The following RAPGEF4 variants were observed in gnomAD, a reference collection of about 807,000 sequenced individuals.
The protein encoded by RAPGEF4 is Rap guanine nucleotide exchange factor 4, also known as RAP guanine-nucleotide-exchange factor (GEF) 4.
RAPGEF4 carries 66 observed loss-of-function variants against 147.9 expected under a neutral mutation model. The ratio of observed to expected loss-of-function variants is 0.45; its 90% CI spans 0.37 to 0.55. The LOEUF is 0.55. Among genes scored for constraint, RAPGEF4 ranks in the 20% least tolerant of loss-of-function variants. The pLI is 0.00. For synonymous variants in RAPGEF4, 419 were observed against 442.7 expected (o/e 0.95, Z 0.67); for missense variants, 1,071 against 1,257.3 (o/e 0.85, Z 2.24).
chr2:172,929,993 T>C (rs893268741), intron 6 of RAPGEF4, among the ~76,000 whole-genome samples: 1 of 152,172 alleles, frequency 6.6e-6, no homozygotes, highest in Non-Finnish European at 1.5e-5. Flanking sequence ...AATGAGATAA[T>C]GTATGCCAAG....
intron 4 of RAPGEF4, among the ~76,000 whole-genome samples, chr2:172,848,212 C>T (rs997687292): frequency 5.3e-5 from 8 of 152,152 alleles, no homozygotes; most frequent in African/African-American, 1.7e-4. Context: ...CAGGGCACTT[C>T]TCCCTGAGCC....
At chr2:172,853,853 T>C (rs1400107658) in intron 4 of RAPGEF4, among the ~76,000 whole-genome samples, 1 of 146,722 alleles carries the variant, frequency 6.8e-6, no homozygotes, top group East Asian at 2.0e-4. Flanking sequence ...ATCTTGTTGG[T>C]ATTGATTTTT....
intron 4 of RAPGEF4, among the ~76,000 whole-genome samples, chr2:172,849,648 T>C (rs371025775): frequency 6.6e-6 from 1 of 152,352 alleles, no homozygotes; most frequent in African/African-American, 2.4e-5. Context: ...ACATTATTAA[T>C]AGGACATGCC....
chr2:172,933,096 G>T (rs1686158593), intron 6 of RAPGEF4, among the ~76,000 whole-genome samples: 1 of 152,008 alleles, frequency 6.6e-6, no homozygotes, highest in East Asian at 1.9e-4. Flanking sequence ...TCTTCTTCTT[G>T]GTTTTTATGT....
chr2:172,744,808 C>A (rs1218287683), intron 1 of RAPGEF4, among the ~76,000 whole-genome samples: 5 of 150,410 alleles, frequency 3.3e-5, no homozygotes, highest in Non-Finnish European at 7.4e-5. Context: ...AGTTGTCTTT[C>A]ATGTAGTTGT....
chr2:173,021,949 T>C (rs78869027), intron 23 of RAPGEF4, among the ~76,000 whole-genome samples: 5,230 of 152,316 alleles, frequency 0.034, 112 homozygotes, highest in Middle Eastern at 0.075. Context: ...ACCAGCCTTA[T>C]AAGATCTGAG....
At chr2:172,744,353 A>C in intron 1 of RAPGEF4, 1 of 454,664 alleles carries the variant, frequency 2.2e-6, no homozygotes, top group Non-Finnish European at 4.4e-6. Context: ...CCAAGTTATT[A>C]ATCTTTTTGA....
chr2:173,032,296 C>CA (rs1289564893), intron 26 of RAPGEF4, among the ~76,000 whole-genome samples: 2 of 152,182 alleles, frequency 1.3e-5, no homozygotes, highest in South Asian at 2.1e-4. Flanking sequence ...GCTGTGACAA[C>CA]AAAAAAATGT....
intron 4 of RAPGEF4, among the ~76,000 whole-genome samples, chr2:172,887,033 C>G (rs1011472814): frequency 6.6e-6 from 1 of 151,760 alleles, no homozygotes; most frequent in Non-Finnish European, 1.5e-5. Flanking sequence ...ACTAAAAATA[C>G]AAAATTAGCT....
At chr2:172,877,623 C>T (rs1351240902) in intron 4 of RAPGEF4, among the ~76,000 whole-genome samples, 1 of 152,112 alleles carries the variant, frequency 6.6e-6, no homozygotes, top group South Asian at 2.1e-4. Context: ...GCTTTTCTCA[C>T]TTTGCTGGGC....
At chr2:172,908,190 A>T (rs933346341) in intron 4 of RAPGEF4, among the ~76,000 whole-genome samples, 1 of 152,380 alleles carries the variant, frequency 6.6e-6, no homozygotes, top group Admixed American at 6.5e-5. Flanking sequence ...TTGAAGTCTC[A>T]TGCTTTAATC....
chr2:172,978,420 G>A (rs962594198), intron 10 of RAPGEF4, among the ~76,000 whole-genome samples: 1 of 152,206 alleles, frequency 6.6e-6, no homozygotes, highest in Non-Finnish European at 1.5e-5. Context: ...TCACCTGGAA[G>A]AGCCTGGGGT....
intron 4 of RAPGEF4, among the ~76,000 whole-genome samples, chr2:172,877,079 G>A (rs909875097): frequency 1.3e-5 from 2 of 152,138 alleles, no homozygotes; most frequent in Admixed American, 1.3e-4. Context: ...CACTTTTGCA[G>A]CACTATTCAC....
intron 4 of RAPGEF4, among the ~76,000 whole-genome samples, chr2:172,914,355 G>C (rs1683807674): frequency 1.0e-5 from 1 of 95,282 alleles, no homozygotes. Context: ...TTTTTTTGGA[G>C]ACAGAGTTTC....
intron 4 of RAPGEF4, among the ~76,000 whole-genome samples, chr2:172,882,024 G>A (rs188330414): frequency 1.3e-5 from 2 of 152,268 alleles, no homozygotes; most frequent in East Asian, 1.9e-4. Context: ...ATACAGATGG[G>A]AAAGCATTAA....
At position 172,983,498 on chromosome 2, in the gene RAPGEF4, CT is replaced by C; in HGVS notation, c.1008del (p.Gly337AlafsTer8). The stretch of plus-strand genomic sequence containing the variant: ...TTTTTTTTTTTTTATCTTTGTAGAC[CT>C]GGCCAGAGGACTGTGGATGACCTAG... ...AHMRMILRKP[P>X]GQRTVDDLEI... On this transcript the variant is annotated frameshift_variant, in exon 11 of 31. Transcript: ENST00000397081. LOFTEE classifies it high-confidence loss of function. 1 of 1,604,574 alleles carries C rather than the reference CT, an allele frequency of 6.2e-7. No individual in the cohort carries two copies.
rs753183449 is a variant in RAPGEF4 at position 173,030,271 on chromosome 2, A to G, written c.2649+17A>G. 1 of 1,588,528 alleles carries G rather than the reference A, an allele frequency of 6.3e-7. No individual in the cohort carries two copies. Among genetic ancestry groups the G allele is most frequent in the African/African-American group, 1.3e-5 (1 of 74,400 alleles). On this transcript the variant is annotated intron_variant, in intron 26 of 30. Coordinates refer to ENST00000397081, the MANE Select transcript of RAPGEF4 (RefSeq NM_007023.4). ...ACGTGGGAGGTAAGCTTCAGCTAGG[A>G]TCCAGCTGTGACTTTTGCCTTAGGA... is the stretch of plus-strand genomic sequence containing the variant.
At chr2:172,738,234 C>T (rs1314157039) in intron 1 of RAPGEF4, among the ~76,000 whole-genome samples, 5 of 152,144 alleles carry the variant, frequency 3.3e-5, no homozygotes, top group African/African-American at 1.2e-4. Context: ...TCCTCTTTTC[C>T]AGGCACTGTG....
chr2:173,026,519 TA>T, intron 23 of RAPGEF4, 52 bp from the exon 24 acceptor site: 1 of 1,575,150 alleles, frequency 6.3e-7, no homozygotes, highest in East Asian at 2.3e-5. Flanking sequence ...CTTTTAGTGC[TA>T]AATACTTGTC....
Sources: gnomAD v4.1 joint callset for allele counts (sites outside exome capture counted in the v4.1 genomes callset) on GRCh38, gnomAD v4.1.1 for gene constraint, MANE v1.5 for transcripts, NCBI Gene and HGNC (gene_info 2026-07-23, HGNC 2026-07-21) for gene names.